ZNF609: variants seen among roughly 807,000 people sequenced by gnomAD.
ZNF609 encodes zinc finger protein 609.
In ZNF609, 11 loss-of-function variants were observed where a neutral mutation model predicts 109.5. The ratio of observed to expected loss-of-function variants is 0.10; its 90% CI spans 0.06 to 0.17. The LOEUF (loss-of-function observed/expected upper bound fraction) is 0.17. Among genes scored for constraint, ZNF609 ranks in the 10% least tolerant of loss-of-function variants. ZNF609 has a pLI of 1.00. For synonymous variants in ZNF609, 646 were observed against 662.0 expected, an observed-to-expected ratio of 0.98 and a Z score of 0.37; for missense variants, 1,559 against 1,772.4, an observed-to-expected ratio of 0.88 and a Z score of 2.16.
chr15:64,584,298 AATTT>A (rs1465549011), intron 2 of ZNF609, among the ~76,000 whole-genome samples: 2 of 151,862 alleles, frequency 1.3e-5, no homozygotes, highest in Admixed American at 6.6e-5. Context: ...TCTGTATTTT[AATTT>A]ATTTATTTAT....
chr15:64,648,119 G>A (rs1244576491), intron 3 of ZNF609, among the ~76,000 whole-genome samples: 3 of 152,154 alleles, frequency 2.0e-5, no homozygotes, highest in Admixed American at 6.5e-5. Flanking sequence ...AAACCATTTA[G>A]TGTTTTACAC....
At chr15:64,483,919 A>T (rs1229126052) in intron 1 of ZNF609, among the ~76,000 whole-genome samples, 3 of 152,152 alleles carry the variant, frequency 2.0e-5, no homozygotes, top group African/African-American at 7.2e-5. Flanking sequence ...TAGGGAGAGT[A>T]AATAGTAGAA....
intron 2 of ZNF609, among the ~76,000 whole-genome samples, chr15:64,549,146 C>T (rs182392955): frequency 1.6e-3 from 245 of 152,070 alleles, no homozygotes; most frequent in African/African-American, 5.8e-3. Flanking sequence ...AAAATAGTAC[C>T]CACTGTGTTT....
chr15:64,481,007 A>C (rs1893243878), intron 1 of ZNF609, among the ~76,000 whole-genome samples: 1 of 152,246 alleles, frequency 6.6e-6, no homozygotes, highest in Non-Finnish European at 1.5e-5. Flanking sequence ...GAATTGATTC[A>C]GGTTTCTGTA....
At chr15:64,600,807 A>T (rs981040228) in intron 2 of ZNF609, among the ~76,000 whole-genome samples, 1 of 152,166 alleles carries the variant, frequency 6.6e-6, no homozygotes, top group Non-Finnish European at 1.5e-5. Flanking sequence ...TTCTAAATTT[A>T]TATAGTCTTT....
At chr15:64,475,410 T>A (rs1893155704) in intron 1 of ZNF609, among the ~76,000 whole-genome samples, 1 of 149,626 alleles carries the variant, frequency 6.7e-6, no homozygotes, top group African/African-American at 2.5e-5. Context: ...TTTTTTTTTT[T>A]TGAGACGGAG....
Position 64,499,919 on chromosome 15 carries a change from G to C in ZNF609, c.500G>C (p.Ser167Thr). The C allele has an allele frequency of 6.2e-7, 1 of 1,614,100 alleles. No individual in the cohort carries two copies. Among genetic ancestry groups the C allele is most frequent in the Non-Finnish European group, 8.5e-7 (1 of 1,180,018 alleles). Residue 167 changes from serine to threonine, a missense_variant, in exon 2 of 10, where the codon AGC becomes ACC. By Grantham distance (58) the Ser-to-Thr change is moderately conservative. This residue lies in a region of ZNF609 where 291 missense variants were observed against 317.8 expected (regional missense o/e 0.92). Transcript: ENST00000326648. ...KKEKENSSSK[S>T]KKERSEGVGT... ...GAGAAGGAGAACAGCTCATCTAAGA[G>C]CAAGAAGGAGAGAAGCGAAGGAGTG...
intron 2 of ZNF609, among the ~76,000 whole-genome samples, chr15:64,590,505 G>A (rs1895275361): frequency 6.6e-6 from 1 of 152,078 alleles, no homozygotes; most frequent in South Asian, 2.1e-4. Context: ...TGTTAGTAGA[G>A]TTGGGGTTTT....
intron 8 of ZNF609, 140 bp from the exon 9 acceptor site, chr15:64,681,169 G>C (rs1273432069): frequency 1.3e-6 from 1 of 772,300 alleles, no homozygotes; most frequent in Admixed American, 2.2e-5. Flanking sequence ...CTGAGAAATA[G>C]AGCCTTATTA....
At chr15:64,497,514 G>A (rs1385264904) in intron 1 of ZNF609, among the ~76,000 whole-genome samples, 3 of 152,158 alleles carry the variant, frequency 2.0e-5, no homozygotes, top group Admixed American at 6.6e-5. Flanking sequence ...TGTCCTATCT[G>A]TGGCATTTAC....
At chr15:64,598,646 T>G (rs1009288252) in intron 2 of ZNF609, among the ~76,000 whole-genome samples, 1 of 150,638 alleles carries the variant, frequency 6.6e-6, no homozygotes, top group African/African-American at 2.4e-5. Context: ...TATGCTATGA[T>G]GGACCTATAG....
intron 1 of ZNF609, among the ~76,000 whole-genome samples, chr15:64,490,765 C>T (rs143139226): frequency 0.013 from 1,967 of 152,294 alleles, 18 homozygotes; most frequent in South Asian, 0.035. Flanking sequence ...CATGCTGGCA[C>T]AGAGCAGTAG....
At chr15:64,459,664 C>T (rs1357660123), upstream of ZNF609, among the ~76,000 whole-genome samples, 1 of 152,020 alleles carries the variant, frequency 6.6e-6, no homozygotes, top group African/African-American at 2.4e-5. Context: ...TGGTCAAGGA[C>T]ACAGGAAGGA....
At chr15:64,539,141 C>G (rs1458136249) in intron 2 of ZNF609, among the ~76,000 whole-genome samples, 2 of 151,592 alleles carry the variant, frequency 1.3e-5, no homozygotes, top group African/African-American at 4.9e-5. Context: ...GTAGCTGAGA[C>G]TGCAGGCGCC....
In ZNF609 at chr15:64,683,932, C is replaced by T. The variant is rs527973046; in HGVS notation, c.*2246C>T. 4.6e-5 allele frequency: 7 copies of T among 152,350 alleles called. No individual in the cohort carries two copies. In the East Asian group the frequency reaches 9.6e-4, roughly 21 times the overall value. The allele number at this position is 152,350 out of a possible 1,614,324, so 9.4% of individuals were successfully genotyped here. On this transcript the variant is annotated 3_prime_UTR_variant, in exon 10 of 10. Transcript: ENST00000326648. ...CACAGAGGACGAACTTCTGTATTAG[C>T]TGGGCAGCCTTGGGTTCTCCAGAAG...
chr15:64,531,462 A>G (rs567457250), intron 2 of ZNF609, among the ~76,000 whole-genome samples: 12 of 152,298 alleles, frequency 7.9e-5, no homozygotes, highest in African/African-American at 2.6e-4. Flanking sequence ...AGTGGCGACA[A>G]TCATGGCTCA....
chr15:64,494,029 G>A (rs2140346704), intron 1 of ZNF609, among the ~76,000 whole-genome samples: 2 of 152,292 alleles, frequency 1.3e-5, no homozygotes, highest in Middle Eastern at 3.4e-3. Context: ...GAAGCCTGCT[G>A]GGTTTGGAAA....
chr15:64,580,259 C>G lies in ZNF609; in HGVS notation c.748-42568C>G, dbSNP rs558874480. Among the ~76,000 whole-genome samples, 5 of 152,290 alleles carry G rather than the reference C, an allele frequency of 3.3e-5. No homozygotes were observed. The South Asian group carries it at 1.0e-3, about 32-fold the overall frequency. On this transcript the variant is annotated intron_variant, in intron 2 of 9. Coordinates refer to ENST00000326648, the MANE Select transcript of ZNF609 (RefSeq NM_015042.2). Reference sequence around the variant, plus strand: ...TAGAGCCTCCACAATGAAATGCAGCCCTGCTGACATCTTAATTTTAGTTCA... The same window carrying G: ...TAGAGCCTCCACAATGAAATGCAGCGCTGCTGACATCTTAATTTTAGTTCA...
intron 1 of ZNF609, among the ~76,000 whole-genome samples, chr15:64,471,892 A>G (rs1893097022): frequency 6.7e-6 from 1 of 148,952 alleles, no homozygotes; most frequent in Non-Finnish European, 1.5e-5. Context: ...CAATATAAGT[A>G]GCTTTTTCTT....
Sources: gnomAD v4.1 joint callset for allele counts (sites outside exome capture counted in the v4.1 genomes callset) on GRCh38, gnomAD v4.1.1 for gene constraint, gnomAD v4.1.1 regional missense constraint, MANE v1.5 for transcripts, NCBI Gene and HGNC (gene_info 2026-07-23, HGNC 2026-07-21) for gene names.